Variants in SYN2 observed in about 807,000 individuals in gnomAD.
The protein encoded by SYN2 is synapsin II, also known as synapsin-2.
SYN2 carries 19 observed loss-of-function variants against 50.9 expected under a neutral mutation model. That is an observed-to-expected ratio of 0.37 (90% CI 0.26 to 0.55). The LOEUF (loss-of-function observed/expected upper bound fraction) is 0.55. SYN2 is among the 20% of genes least tolerant of loss of function. The pLI is 0.81. For missense variants in SYN2, 587 were observed against 576.4 expected (o/e 1.02, Z -0.19); for synonymous variants, 255 against 224.9 (o/e 1.13, Z -1.20).
chr3:12,093,176 A>G (rs1318627040), intron 1 of SYN2, among the ~76,000 whole-genome samples: 2 of 152,212 alleles, frequency 1.3e-5, no homozygotes, highest in Non-Finnish European at 2.9e-5. Flanking sequence ...CAAATTATGT[A>G]TCACATTTTT....
intron 1 of SYN2, among the ~76,000 whole-genome samples, chr3:12,117,438 A>G (rs1344808283): frequency 6.6e-6 from 1 of 152,204 alleles, no homozygotes; most frequent in Non-Finnish European, 1.5e-5. Context: ...TACAATCCTT[A>G]GAAGAAATAT....
intron 10 of SYN2, among the ~76,000 whole-genome samples, chr3:12,182,101 CTG>C (rs1698235307): frequency 6.6e-6 from 1 of 152,200 alleles, no homozygotes; most frequent in Admixed American, 6.5e-5. Flanking sequence ...GGTTAAAAGA[CTG>C]TGATACTGAG....
At chr3:12,138,491 A>T (rs1696947395) in intron 1 of SYN2, among the ~76,000 whole-genome samples, 2 of 152,188 alleles carry the variant, frequency 1.3e-5, no homozygotes, top group African/African-American at 2.4e-5. Context: ...GAATTAAGAA[A>T]CTTGGCAGCA....
intron 1 of SYN2, among the ~76,000 whole-genome samples, chr3:12,072,705 A>G (rs149927993): frequency 1.3e-5 from 2 of 152,082 alleles, no homozygotes; most frequent in South Asian, 2.1e-4. Flanking sequence ...TTTTTCTCCA[A>G]TTGCTTCCAT....
intron 1 of SYN2, among the ~76,000 whole-genome samples, chr3:12,081,812 T>C (rs1695591878): frequency 6.6e-6 from 1 of 152,232 alleles, no homozygotes; most frequent in South Asian, 2.1e-4. Context: ...CACTTATCTA[T>C]ATGCCACTCT....
At chr3:12,012,175 A>G (rs1693923605) in intron 1 of SYN2, among the ~76,000 whole-genome samples, 3 of 151,710 alleles carry the variant, frequency 2.0e-5, no homozygotes, top group South Asian at 2.1e-4. Flanking sequence ...TTTTTTTTTA[A>G]TGACAAAAAC....
chr3:12,158,311 C>T (rs890873293), intron 5 of SYN2, among the ~76,000 whole-genome samples: 1 of 152,118 alleles, frequency 6.6e-6, no homozygotes, highest in Non-Finnish European at 1.5e-5. Flanking sequence ...TTGGTGGCAA[C>T]CTCAGTTATA....
intron 1 of SYN2, among the ~76,000 whole-genome samples, chr3:12,058,774 G>T (rs142935881): frequency 6.6e-6 from 1 of 152,298 alleles, no homozygotes; most frequent in African/African-American, 2.4e-5. Context: ...TCATATCAGT[G>T]CTGAGAATGG....
chr3:12,056,058 A>G (rs1188546839), intron 1 of SYN2, among the ~76,000 whole-genome samples: 2 of 152,210 alleles, frequency 1.3e-5, no homozygotes, highest in African/African-American at 4.8e-5. Context: ...GAAATTCTAC[A>G]TATGGATCAA....
chr3:12,047,871 A>AT (rs1476329445), intron 1 of SYN2, among the ~76,000 whole-genome samples: 1 of 152,236 alleles, frequency 6.6e-6, no homozygotes, highest in Non-Finnish European at 1.5e-5. Context: ...TGAAGAAAGC[A>AT]TTTAACCTGT....
intron 4 of SYN2, 36 bp from the exon 5 acceptor site, chr3:12,151,201 C>A: frequency 4.1e-6 from 6 of 1,456,630 alleles, no homozygotes; most frequent in Non-Finnish European, 5.7e-6. Flanking sequence ...CAGAAGTTAT[C>A]TAAGATAAGC....
intron 10 of SYN2, 66 bp downstream of exon 10, chr3:12,169,972 G>A (rs1697903532): frequency 6.6e-7 from 1 of 1,512,930 alleles, no homozygotes; most frequent in Non-Finnish European, 8.8e-7. Context: ...TCTAGATGTT[G>A]ATGGCTAAAG....
In SYN2 at chr3:12,004,432, C is replaced by G. The variant is rs1356809750; in HGVS notation, c.-120C>G. 3.8e-5 allele frequency: 10 copies of G among 261,666 alleles called. No homozygotes were observed. Among genetic ancestry groups the G allele is most frequent in the Non-Finnish European group, 6.0e-5 (8 of 133,292 alleles). 16.2% of individuals were successfully genotyped at this position (261,666 alleles called of 1,614,324 possible). On this transcript the variant is annotated 5_prime_UTR_variant, in exon 1 of 13. Coordinates refer to ENST00000621198, the MANE Select transcript of SYN2 (RefSeq NM_133625.6). ...CGGGGTCTGGTGCCGGGGCCTGAGT[C>G]TCTGCTGGCTAAGCCGCCGCCTCAG...
intron 1 of SYN2, among the ~76,000 whole-genome samples, chr3:12,086,905 A>G (rs1695712854): frequency 6.6e-6 from 1 of 152,180 alleles, no homozygotes. Context: ...CTAAATAGAA[A>G]AGGAGGAAGG....
intron 1 of SYN2, among the ~76,000 whole-genome samples, chr3:12,064,173 C>T (rs1166503089): frequency 6.6e-6 from 1 of 151,776 alleles, no homozygotes; most frequent in Non-Finnish European, 1.5e-5. Context: ...TAGATAAAGA[C>T]CAGTTGAGGG....
At chr3:12,161,929 T>G in intron 6 of SYN2, 83 bp from the exon 7 acceptor site, 2 of 1,564,578 alleles carry the variant, frequency 1.3e-6, no homozygotes, top group Middle Eastern at 2.2e-4. Flanking sequence ...TTGGTGGGTT[T>G]GGAGGCTCAG....
intron 1 of SYN2, among the ~76,000 whole-genome samples, chr3:12,028,838 C>G (rs1403000529): frequency 7.1e-6 from 1 of 141,226 alleles, no homozygotes; most frequent in Non-Finnish European, 1.5e-5. Context: ...CCTGTTCACT[C>G]TGATGGTAGT....
At chr3:12,174,929 T>G (rs1390108005) in intron 10 of SYN2, among the ~76,000 whole-genome samples, 3 of 152,206 alleles carry the variant, frequency 2.0e-5, no homozygotes, top group Non-Finnish European at 4.4e-5. Flanking sequence ...TATTTAATTG[T>G]CTGTTCTACT....
intron 1 of SYN2, among the ~76,000 whole-genome samples, chr3:12,099,991 T>TAAAA (rs1696037001): frequency 1.8e-5 from 1 of 54,514 alleles, no homozygotes; most frequent in African/African-American, 7.4e-5. Context: ...AAAAAAGAAG[T>TAAAA]GCCTACAGTG....
Sources: gnomAD v4.1 joint callset for allele counts (sites outside exome capture counted in the v4.1 genomes callset) on GRCh38, gnomAD v4.1.1 for gene constraint, MANE v1.5 for transcripts, NCBI Gene and HGNC (gene_info 2026-07-23, HGNC 2026-07-21) for gene names.